The following H2AC17 variants were observed in gnomAD, a reference collection of about 807,000 sequenced individuals.
H2AC17 encodes the protein histone H2A type 1.
H2AC17 carries 10 observed loss-of-function variants against 6.3 expected under a neutral mutation model. That is an observed-to-expected ratio of 1.58 (90% confidence interval 0.97 to 2.68). H2AC17 has a LOEUF of 2.68. Ranked by LOEUF, H2AC17 falls within the 30% of genes most tolerant of loss-of-function variation. The pLI is 0.00. For synonymous variants in H2AC17, 138 were observed against 78.3 expected, an observed-to-expected ratio of 1.76 and a Z score of -4.02; for missense variants, 207 against 176.0, an observed-to-expected ratio of 1.18 and a Z score of -1.00.
At position 27,892,763 on chromosome 6, in the gene H2AC17, G is replaced by T. The variant is rs2113585960; in HGVS notation, c.387C>A (p.Gly129=). The T allele has an allele frequency of 6.2e-7, 1 of 1,613,860 alleles. No individual in the cohort carries two copies. Among genetic ancestry groups the T allele is most frequent in the Non-Finnish European group, 8.5e-7 (1 of 1,180,036 alleles). ...CATTTTTAAAGTTCAGCCCTTACTT[G>T]CCCTTAGCTTTGTGGTGGCTCTCAG... is the stretch of plus-strand genomic sequence containing the variant. ...KKTESHHKAK[G]K The change falls in exon 1 of 1, where the codon GGC becomes GGA. Residue 129 remains glycine (G), a synonymous_variant. Transcript: ENST00000359611.
chr6:27,893,114 G>A lies in H2AC17; in HGVS notation c.36C>T (p.Arg12=), dbSNP rs1361442610. The A allele has an allele frequency of 6.2e-7, 1 of 1,607,528 alleles. No homozygotes were observed. The highest frequency in any genetic ancestry group is 8.5e-7 in the Non-Finnish European group (1 of 1,176,498). ...SGRGKQGGKA[R]AKAKTRSSRA... is the part of the protein sequence containing the mutation. ...TAGAGGAGCGGGTTTTGGCCTTGGCGCGAGCCTTGCCGCCCTGCTTGCCAC... is the reference window on the plus strand; with the variant it reads ...TAGAGGAGCGGGTTTTGGCCTTGGCACGAGCCTTGCCGCCCTGCTTGCCAC... Residue 12 remains arginine, a synonymous_variant, in exon 1 of 1, where the codon CGC becomes CGT. Coordinates refer to ENST00000359611, the MANE Select transcript of H2AC17 (RefSeq NM_003514.2).
chr6:27,892,751 C>T lies in H2AC17; in HGVS notation c.*6G>A, dbSNP rs765508997. The stretch of plus-strand genomic sequence containing the variant: ...CTTGTAAGTTTACATTTTTAAAGTT[C>T]AGCCCTTACTTGCCCTTAGCTTTGT... On this transcript the variant is annotated 3_prime_UTR_variant, in exon 1 of 1. Coordinates refer to ENST00000359611, the MANE Select transcript of H2AC17 (RefSeq NM_003514.2). The T allele has an allele frequency of 3.1e-6, 5 of 1,613,130 alleles. No homozygotes were observed. Among genetic ancestry groups the T allele is most frequent in the Admixed American group, 1.7e-5 (1 of 59,950 alleles).
In H2AC17 at chr6:27,893,142, C is replaced by T. The variant is rs748960551; in HGVS notation, c.8G>A (p.Gly3Glu). The change falls in exon 1 of 1, where the codon GGA becomes GAA. Residue 3 changes from glycine to glutamate, a missense_variant. Transcript: ENST00000359611. Reference sequence around the variant, plus strand: ...AGCCTTGCCGCCCTGCTTGCCACGTCCAGACATGGTAAAACGACCTGTGGC... The same window carrying T: ...AGCCTTGCCGCCCTGCTTGCCACGTTCAGACATGGTAAAACGACCTGTGGC... MS[G>E]RGKQGGKARA... is the part of the protein sequence containing the mutation. The T allele has an allele frequency of 3.1e-6, 5 of 1,590,082 alleles. No homozygotes were observed. The highest frequency in any genetic ancestry group is 1.8e-5 in the Admixed American group (1 of 55,788).
chr6:27,893,028 G>T lies in H2AC17; in HGVS notation c.122C>A (p.Ala41Asp). Residue 41 changes from alanine (A) to aspartate (D), a missense_variant, in exon 1 of 1, where the codon GCT (alanine) becomes GAT (aspartate). Physicochemically the swap from Ala to Asp is moderately radical, Grantham distance 126. This residue lies in a region of H2AC17 where 148 missense variants were observed against 106.0 expected (regional missense o/e 1.40). Transcript: ENST00000359611. ...VHRLLRKGNY[A>D]ERVGAGAPVY... ...CGGCGCGCCGGCCCCGACCCGCTCAGCGTAGTTGCCCTTGCGGAGCAGGCG... is the reference window on the plus strand; with the variant it reads ...CGGCGCGCCGGCCCCGACCCGCTCATCGTAGTTGCCCTTGCGGAGCAGGCG... 6.2e-7 allele frequency: 1 copy of T among 1,614,072 alleles called. No individual in the cohort carries two copies. Among genetic ancestry groups the T allele is most frequent in the East Asian group, 2.2e-5 (1 of 44,850 alleles).
rs760322400 is a variant in H2AC17 at position 27,892,920 on chromosome 6, G to A, written c.230C>T (p.Thr77Ile). The A allele has an allele frequency of 5.6e-6, 9 of 1,614,060 alleles. No individual in the cohort carries two copies. The highest frequency in any genetic ancestry group is 7.6e-6 in the Non-Finnish European group (9 of 1,180,038). ...CTGCAAGTGGCGCGGGATGATGCGG[G>A]TCTTTTTGTTGTCGCGGGCTGCGTT... is the stretch of plus-strand genomic sequence containing the variant. ...AGNAARDNKK[T>I]RIIPRHLQLA... is the part of the protein sequence containing the mutation. The change falls in exon 1 of 1, where the codon ACC (threonine) becomes ATC (isoleucine). Residue 77 changes from threonine to isoleucine, a missense_variant. Physicochemically the swap from Thr to Ile is moderately conservative, Grantham distance 89. Around this residue, in one of 3 missense-constraint regions of H2AC17, gnomAD observed 148 missense variants for 106.0 expected, o/e 1.40. Transcript: ENST00000359611.
chr6:27,893,060 T>C lies in H2AC17; in HGVS notation c.90A>G (p.Arg30=). 6.2e-7 allele frequency: 1 copy of C among 1,613,992 alleles called. No homozygotes were observed. Among genetic ancestry groups the C allele is most frequent in the Non-Finnish European group, 8.5e-7 (1 of 1,179,940 alleles). The change falls in exon 1 of 1, where the codon CGA becomes CGG. Residue 30 remains arginine (R), a synonymous_variant. Coordinates refer to ENST00000359611, the MANE Select transcript of H2AC17 (RefSeq NM_003514.2). ...TGCCCTTGCGGAGCAGGCGGTGCACTCGTCCTACAGGAAATTGGAGCCCAG... is the reference window on the plus strand; with the variant it reads ...TGCCCTTGCGGAGCAGGCGGTGCACCCGTCCTACAGGAAATTGGAGCCCAG... The part of the protein sequence containing the change: ...SRAGLQFPVG[R]VHRLLRKGNY...
rs767698234 is a variant in H2AC17 at position 27,893,007 on chromosome 6, G to A, written c.143C>T (p.Ala48Val). The A allele has an allele frequency of 3.1e-6, 5 of 1,614,066 alleles. No individual in the cohort carries two copies. In the South Asian group the frequency reaches 3.3e-5, roughly 11 times the overall value. Residue 48 changes from alanine to valine, a missense_variant, in exon 1 of 1, where the codon GCG becomes GTG. Around this residue, in one of 3 missense-constraint regions of H2AC17, gnomAD observed 148 missense variants for 106.0 expected, o/e 1.40. Transcript: ENST00000359611. Reference protein sequence around the residue: ...GNYAERVGAGAPVYLAAVLEY... With the variant: ...GNYAERVGAGVPVYLAAVLEY... ...CAGCACCGCCGCCAGGTAAACCGGC[G>A]CGCCGGCCCCGACCCGCTCAGCGTA... is the stretch of plus-strand genomic sequence containing the variant.
chr6:27,893,017 C>G lies in H2AC17; in HGVS notation c.133G>C (p.Gly45Arg), dbSNP rs755495717. The G allele has an allele frequency of 1.9e-6, 3 of 1,614,078 alleles. No individual in the cohort carries two copies. Among genetic ancestry groups the G allele is most frequent in the South Asian group, 1.1e-5 (1 of 91,064 alleles). The change falls in exon 1 of 1, where the codon GGG becomes CGG. Residue 45 changes from glycine (G) to arginine (R), a missense_variant. Coordinates refer to ENST00000359611, the MANE Select transcript of H2AC17 (RefSeq NM_003514.2). ...LRKGNYAERV[G>R]AGAPVYLAAV... ...GCCAGGTAAACCGGCGCGCCGGCCC[C>G]GACCCGCTCAGCGTAGTTGCCCTTG... is the stretch of plus-strand genomic sequence containing the variant.
rs756214006 is a variant in H2AC17, at chr6:27,892,973, T to C, written c.177A>G (p.Leu59=). 1.1e-5 allele frequency: 17 copies of C among 1,614,170 alleles called. No homozygotes were observed. The highest frequency in any genetic ancestry group is 4.5e-5 in the East Asian group (2 of 44,876). The change falls in exon 1 of 1, where the codon CTA becomes CTG. Residue 59 remains leucine, a synonymous_variant. Transcript: ENST00000359611. ...PVYLAAVLEY[L]TAEILELAGN... ...CCGCCAGCTCCAGGATCTCGGCAGT[T>C]AGGTACTCCAGCACCGCCGCCAGGT... is the stretch of plus-strand genomic sequence containing the variant.
chr6:27,892,984 G>T lies in H2AC17; in HGVS notation c.166C>A (p.Leu56Met). 2 of 1,614,176 alleles carry T rather than the reference G, an allele frequency of 1.2e-6. No individual in the cohort carries two copies. Among genetic ancestry groups the T allele is most frequent in the South Asian group, 2.2e-5 (2 of 91,078 alleles). Residue 56 changes from leucine (L) to methionine (M), a missense_variant, in exon 1 of 1, where the codon CTG becomes ATG. Around this residue, in one of 3 missense-constraint regions of H2AC17, gnomAD observed 148 missense variants for 106.0 expected, o/e 1.40. Coordinates refer to ENST00000359611, the MANE Select transcript of H2AC17 (RefSeq NM_003514.2). ...AGGATCTCGGCAGTTAGGTACTCCA[G>T]CACCGCCGCCAGGTAAACCGGCGCG... ...AGAPVYLAAV[L>M]EYLTAEILEL...
Position 27,892,805 on chromosome 6 carries a change from T to C in H2AC17, c.345A>G (p.Val115=). 1.2e-6 allele frequency: 2 copies of C among 1,614,234 alleles called. No individual in the cohort carries two copies. Among genetic ancestry groups the C allele is most frequent in the South Asian group, 1.1e-5 (1 of 91,088 alleles). Residue 115 remains valine, a synonymous_variant, in exon 1 of 1, where the codon GTA becomes GTG. Coordinates refer to ENST00000359611, the MANE Select transcript of H2AC17 (RefSeq NM_003514.2). The part of the protein sequence containing the change: ...QGGVLPNIQA[V]LLPKKTESHH... ...GGCTCTCAGTCTTCTTGGGGAGCAG[T>C]ACGGCCTGGATGTTAGGCAGAACAC... is the stretch of plus-strand genomic sequence containing the variant.
Position 27,893,132 on chromosome 6 carries a change from C to T in H2AC17, c.18G>A (p.Lys6=). The change falls in exon 1 of 1, where the codon AAG becomes AAA. Residue 6 remains lysine, a synonymous_variant. Coordinates refer to ENST00000359611, the MANE Select transcript of H2AC17 (RefSeq NM_003514.2). Reference sequence around the variant, plus strand: ...CCTTGGCGCGAGCCTTGCCGCCCTGCTTGCCACGTCCAGACATGGTAAAAC... The same window carrying T: ...CCTTGGCGCGAGCCTTGCCGCCCTGTTTGCCACGTCCAGACATGGTAAAAC... MSGRG[K]QGGKARAKAK... 6.2e-7 allele frequency: 1 copy of T among 1,601,274 alleles called. No homozygotes were observed. The highest frequency in any genetic ancestry group is 1.1e-5 in the South Asian group (1 of 89,626).
rs571168598 is a variant in H2AC17 at position 27,893,100 on chromosome 6, G to A, written c.50C>T (p.Thr17Ile). ...QGGKARAKAK[T>I]RSSRAGLQFP... ...TTGGAGCCCAGCTCTAGAGGAGCGGGTTTTGGCCTTGGCGCGAGCCTTGCC... is the reference window on the plus strand; with the variant it reads ...TTGGAGCCCAGCTCTAGAGGAGCGGATTTTGGCCTTGGCGCGAGCCTTGCC... The change falls in exon 1 of 1, where the codon ACC becomes ATC. Residue 17 changes from threonine (T) to isoleucine (I), a missense_variant. Physicochemically the swap from Thr to Ile is moderately conservative, Grantham distance 89 (BLOSUM62 -1). Transcript: ENST00000359611. 6.2e-7 allele frequency: 1 copy of A among 1,611,408 alleles called. No homozygotes were observed.
chr6:27,893,001 A>G lies in H2AC17; in HGVS notation c.149T>C (p.Val50Ala). Reference sequence around the variant, plus strand: ...GTACTCCAGCACCGCCGCCAGGTAAACCGGCGCGCCGGCCCCGACCCGCTC... The same window carrying G: ...GTACTCCAGCACCGCCGCCAGGTAAGCCGGCGCGCCGGCCCCGACCCGCTC... Reference protein sequence around the residue: ...YAERVGAGAPVYLAAVLEYLT... With the variant: ...YAERVGAGAPAYLAAVLEYLT... Residue 50 changes from valine (V) to alanine (A), a missense_variant, in exon 1 of 1, where the codon GTT becomes GCT. Around this residue, in one of 3 missense-constraint regions of H2AC17, gnomAD observed 148 missense variants for 106.0 expected, o/e 1.40. Coordinates refer to ENST00000359611, the MANE Select transcript of H2AC17 (RefSeq NM_003514.2). The G allele has an allele frequency of 6.2e-7, 1 of 1,614,004 alleles. No homozygotes were observed. The highest frequency in any genetic ancestry group is 8.5e-7 in the Non-Finnish European group (1 of 1,179,984).
chr6:27,892,962 ATC>A lies in H2AC17; in HGVS notation c.186_187del (p.Glu62AspfsTer38). On this transcript the variant is annotated frameshift_variant, in exon 1 of 1. Coordinates refer to ENST00000359611, the MANE Select transcript of H2AC17 (RefSeq NM_003514.2). LOFTEE classifies it high-confidence loss of function. The stretch of plus-strand genomic sequence containing the variant: ...GGCTGCGTTGCCCGCCAGCTCCAGG[ATC>A]TCGGCAGTTAGGTACTCCAGCACCG... 1 of 1,614,158 alleles carries A rather than the reference ATC, an allele frequency of 6.2e-7. No homozygotes were observed. Among genetic ancestry groups the A allele is most frequent in the Non-Finnish European group, 8.5e-7 (1 of 1,180,020 alleles).
rs202203383 is a variant in H2AC17, at chr6:27,892,954, G to A, written c.196C>T (p.Leu66=). 3.2e-5 allele frequency: 52 copies of A among 1,614,212 alleles called. No homozygotes were observed. The East Asian group carries it at 8.2e-4, about 26-fold the overall frequency. ...LEYLTAEILE[L]AGNAARDNKK... ...TTGTCGCGGGCTGCGTTGCCCGCCA[G>A]CTCCAGGATCTCGGCAGTTAGGTAC... is the stretch of plus-strand genomic sequence containing the variant. The change falls in exon 1 of 1, where the codon CTG becomes TTG. Residue 66 remains leucine (L), a synonymous_variant. Coordinates refer to ENST00000359611, the MANE Select transcript of H2AC17 (RefSeq NM_003514.2).
chr6:27,893,013 G>T lies in H2AC17; in HGVS notation c.137C>A (p.Ala46Asp). Residue 46 changes from alanine to aspartate, a missense_variant, in exon 1 of 1, where the codon GCC (alanine) becomes GAC (aspartate). Around this residue, in one of 3 missense-constraint regions of H2AC17, gnomAD observed 148 missense variants for 106.0 expected, o/e 1.40. Transcript: ENST00000359611. Reference protein sequence around the residue: ...RKGNYAERVGAGAPVYLAAVL... With the variant: ...RKGNYAERVGDGAPVYLAAVL... ...CGCCGCCAGGTAAACCGGCGCGCCG[G>T]CCCCGACCCGCTCAGCGTAGTTGCC... The T allele has an allele frequency of 6.2e-7, 1 of 1,614,078 alleles. No homozygotes were observed. Among genetic ancestry groups the T allele is most frequent in the Non-Finnish European group, 8.5e-7 (1 of 1,179,996 alleles).
chr6:27,893,151 G>T lies in H2AC17; in HGVS notation c.-2C>A. 1 of 1,579,418 alleles carries T rather than the reference G, an allele frequency of 6.3e-7. No homozygotes were observed. The highest frequency in any genetic ancestry group is 8.6e-7 in the Non-Finnish European group (1 of 1,164,346). ...GCCCTGCTTGCCACGTCCAGACATG[G>T]TAAAACGACCTGTGGCCTAAGTCAG... On this transcript the variant is annotated 5_prime_UTR_variant, in exon 1 of 1. Coordinates refer to ENST00000359611, the MANE Select transcript of H2AC17 (RefSeq NM_003514.2).
Position 27,892,953 on chromosome 6 carries a change from A to G in H2AC17, c.197T>C (p.Leu66Pro). 6.2e-7 allele frequency: 1 copy of G among 1,614,166 alleles called. No homozygotes were observed. Among genetic ancestry groups the G allele is most frequent in the Non-Finnish European group, 8.5e-7 (1 of 1,180,034 alleles). Residue 66 changes from leucine (L) to proline (P), a missense_variant, in exon 1 of 1, where the codon CTG becomes CCG. Transcript: ENST00000359611. ...LEYLTAEILELAGNAARDNKK... is the reference protein window; with the variant it reads ...LEYLTAEILEPAGNAARDNKK... ...GTTGTCGCGGGCTGCGTTGCCCGCC[A>G]GCTCCAGGATCTCGGCAGTTAGGTA... is the stretch of plus-strand genomic sequence containing the variant.
Sources: gnomAD v4.1 joint callset for allele counts on GRCh38, gnomAD v4.1.1 for gene constraint, gnomAD v4.1.1 regional missense constraint, MANE v1.5 for transcripts, NCBI Gene and HGNC (gene_info 2026-07-23, HGNC 2026-07-21) for gene names.